DAAM1: variants seen among roughly 807,000 people sequenced by gnomAD.
DAAM1 encodes disheveled-associated activator of morphogenesis 1.
A neutral mutation model predicts 130.0 loss-of-function variants in DAAM1; 52 were observed. The observed-to-expected ratio is 0.40, with a 90% CI of 0.32 to 0.50. The LOEUF (loss-of-function observed/expected upper bound fraction) is 0.50, where lower values mean the gene tolerates loss of function less well. DAAM1 is among the 20% of genes least tolerant of loss of function. The pLI, the probability that DAAM1 is intolerant of heterozygous loss-of-function variation, is 0.61. For missense variants in DAAM1, 1,134 were observed against 1,303.8 expected, an observed-to-expected ratio of 0.87 and a Z score of 2.01; for synonymous variants, 452 against 444.5, an observed-to-expected ratio of 1.02 and a Z score of -0.21.
In DAAM1 at chr14:59,370,902, G is replaced by A. The variant is rs1460133242; in HGVS notation, c.*2043G>A. Reference sequence around the variant, plus strand: ...GGAACTGTATTTTGAAAATGGCTTTGTCTTACAGTTTAAGGAATAGACAGG... The same window carrying A: ...GGAACTGTATTTTGAAAATGGCTTTATCTTACAGTTTAAGGAATAGACAGG... On this transcript the variant is annotated 3_prime_UTR_variant, in exon 25 of 25. Transcript: ENST00000360909. 1.3e-5 allele frequency: 2 copies of A among 152,026 alleles called. No homozygotes were observed. Among genetic ancestry groups the A allele is most frequent in the African/African-American group, 4.8e-5 (2 of 41,416 alleles). 9.4% of individuals were successfully genotyped at this position (152,026 alleles called of 1,614,324 possible).
intron 1 of DAAM1, among the ~76,000 whole-genome samples, chr14:59,211,490 G>A (rs972547135): frequency 6.6e-5 from 10 of 152,216 alleles, no homozygotes; most frequent in Non-Finnish European, 1.2e-4. Flanking sequence ...TGCTGCTGCA[G>A]AGGAGGAAGT....
At chr14:59,335,566 G>A (rs1594831897) in intron 15 of DAAM1, among the ~76,000 whole-genome samples, 1 of 152,130 alleles carries the variant, frequency 6.6e-6, no homozygotes, top group Admixed American at 6.5e-5. Context: ...ATTGAATAGA[G>A]GGGAAATGAG....
intron 2 of DAAM1, among the ~76,000 whole-genome samples, chr14:59,287,331 T>G (rs748313824): frequency 3.9e-5 from 6 of 152,206 alleles, no homozygotes; most frequent in Non-Finnish European, 8.8e-5. Context: ...AGCATCATAC[T>G]GAATGGACAA....
intron 3 of DAAM1, among the ~76,000 whole-genome samples, chr14:59,295,042 G>A (rs186381021): frequency 2.4e-4 from 37 of 152,288 alleles, no homozygotes; most frequent in Non-Finnish European, 5.3e-4. Context: ...AAAAATACTT[G>A]TACCCCTTCT....
At chr14:59,363,488 G>C in intron 22 of DAAM1, 163 bp from the exon 23 acceptor site, 1 of 957,092 alleles carries the variant, frequency 1.0e-6, no homozygotes, top group Non-Finnish European at 1.5e-6. Flanking sequence ...CATGGTGGGA[G>C]GAAGGGCAGG....
intron 1 of DAAM1, among the ~76,000 whole-genome samples, chr14:59,245,430 G>A (rs1383876750): frequency 6.6e-6 from 1 of 152,138 alleles, no homozygotes; most frequent in Non-Finnish European, 1.5e-5. Context: ...AGGACCTTGA[G>A]ATTACCAAGT....
At chr14:59,265,494 T>C (rs921159752) in intron 2 of DAAM1, 7 of 152,300 alleles carry the variant, frequency 4.6e-5, no homozygotes, top group African/African-American at 1.7e-4. Flanking sequence ...GAAGGTATAA[T>C]GGCAACAAAA....
At chr14:59,247,678 G>T (rs926158302) in intron 1 of DAAM1, among the ~76,000 whole-genome samples, 5 of 151,528 alleles carry the variant, frequency 3.3e-5, no homozygotes, top group Admixed American at 2.0e-4. Flanking sequence ...TCAGCGACAG[G>T]TTGATAATTA....
In DAAM1 at chr14:59,291,256, T is replaced by A. The variant is rs766722406; in HGVS notation, c.223T>A (p.Phe75Ile). 6.2e-7 allele frequency: 1 copy of A among 1,611,898 alleles called. No homozygotes were observed. The highest frequency in any genetic ancestry group is 8.5e-7 in the Non-Finnish European group (1 of 1,179,410). ...DLTDKHREAM[F>I]ALPAEKKWQI... ...CACAGACAAACACAGAGAAGCCATG[T>A]TTGCACTTCCAGCTGAGAAAAAATG... The change falls in exon 3 of 25, where the codon TTT (phenylalanine) becomes ATT (isoleucine). Residue 75 changes from phenylalanine (F) to isoleucine (I), a missense_variant. By Grantham distance (21) the Phe-to-Ile change is conservative. Transcript: ENST00000360909.
At position 59,331,353 on chromosome 14, in the gene DAAM1, C is replaced by A. The variant is rs1230333626; in HGVS notation, c.1705C>A (p.Leu569Ile). 11 of 1,612,370 alleles carry A rather than the reference C, an allele frequency of 6.8e-6. No individual in the cohort carries two copies. The Admixed American group carries it at 1.8e-4, about 27-fold the overall frequency. ...GATGCTTCCCCCTCCACCGCCTCCCCTCCCTCCAGGTGGCCCTCCTCCTCC... is the reference window on the plus strand; with the variant it reads ...GATGCTTCCCCCTCCACCGCCTCCCATCCCTCCAGGTGGCCCTCCTCCTCC... Reference protein sequence around the residue: ...GGMLPPPPPPLPPGGPPPPPG... With the variant: ...GGMLPPPPPPIPPGGPPPPPG... The change falls in exon 14 of 25, where the codon CTC becomes ATC. Residue 569 changes from leucine to isoleucine, a missense_variant. Coordinates refer to ENST00000360909, the MANE Select transcript of DAAM1 (RefSeq NM_001270520.2).
intron 3 of DAAM1, among the ~76,000 whole-genome samples, chr14:59,297,319 G>C (rs141257678): frequency 6.6e-6 from 1 of 152,202 alleles, no homozygotes; most frequent in African/African-American, 2.4e-5. Flanking sequence ...ATTTGGTAAC[G>C]TGTGTCCAGA....
At position 59,296,433 on chromosome 14, in the gene DAAM1, T is replaced by G. The variant is rs148998718; in HGVS notation, c.273+5127T>G. On this transcript the variant is annotated intron_variant, in intron 3 of 24. Transcript: ENST00000360909. ...GTATCTTCTCTGGGGCAGAGAAAAC[T>G]AGACAGAGAATCTAGACTCTTGGTT... is the stretch of plus-strand genomic sequence containing the variant. Among the ~76,000 whole-genome samples, 182 of 152,228 alleles carry G rather than the reference T, an allele frequency of 1.2e-3. 1 individual carries two copies. Among genetic ancestry groups the G allele is most frequent in the African/African-American group, 4.1e-3 (171 of 41,532 alleles).
rs760046726 is a variant in DAAM1 at position 59,325,750 on chromosome 14, T to C, written c.1056+20T>C. 1.9e-6 allele frequency: 3 copies of C among 1,613,022 alleles called. No homozygotes were observed. The South Asian group carries it at 3.3e-5, about 18-fold the overall frequency. On this transcript the variant is annotated intron_variant, in intron 9 of 24. Coordinates refer to ENST00000360909, the MANE Select transcript of DAAM1 (RefSeq NM_001270520.2). The stretch of plus-strand genomic sequence containing the variant: ...GAACTGGTACGTATGCTTACAATTA[T>C]TCTGGTTTGATTCATCAGTTCACAT...
chr14:59,252,968 A>T (rs371662413), intron 1 of DAAM1, among the ~76,000 whole-genome samples: 1 of 151,954 alleles, frequency 6.6e-6, no homozygotes, highest in Non-Finnish European at 1.5e-5. Context: ...CTTTTTTTGC[A>T]TGGGCTGCTT....
At chr14:59,336,511 TG>T (rs1314635732) in intron 15 of DAAM1, among the ~76,000 whole-genome samples, 1 of 152,228 alleles carries the variant, frequency 6.6e-6, no homozygotes, top group East Asian at 1.9e-4. Context: ...ATTTCTAACA[TG>T]CCCCTTTGAA....
chr14:59,353,733 A>C (rs1159696752), intron 18 of DAAM1, 143 bp from the exon 19 acceptor site: 1 of 756,156 alleles, frequency 1.3e-6, no homozygotes, highest in African/African-American at 1.8e-5. Context: ...GTTCCTGTCC[A>C]TGAGAACAAC....
At chr14:59,227,632 G>A (rs972305755) in intron 1 of DAAM1, among the ~76,000 whole-genome samples, 6 of 152,210 alleles carry the variant, frequency 3.9e-5, no homozygotes, top group Middle Eastern at 3.4e-3. Context: ...GTGTCACCTC[G>A]TGCTTGTTCC....
At chr14:59,352,673 C>T in intron 18 of DAAM1, 41 bp downstream of exon 18, 1 of 1,520,052 alleles carries the variant, frequency 6.6e-7, no homozygotes, top group Non-Finnish European at 9.0e-7. Context: ...TGTCACTTCC[C>T]TTTCTAAGCT....
intron 1 of DAAM1, among the ~76,000 whole-genome samples, chr14:59,217,941 C>T (rs1888641278): frequency 6.6e-6 from 1 of 151,460 alleles, no homozygotes; most frequent in Non-Finnish European, 1.5e-5. Flanking sequence ...CCACTGCACT[C>T]CAGCCTGGGC....
Sources: allele counts gnomAD v4.1 joint callset (sites outside exome capture counted in the v4.1 genomes callset), GRCh38; gene constraint gnomAD v4.1.1; transcripts MANE v1.5; gene names NCBI Gene and HGNC (gene_info 2026-07-23, HGNC 2026-07-21).